The following HIBADH variants were observed in gnomAD, a reference collection of about 807,000 sequenced individuals.
HIBADH encodes the protein 3-hydroxyisobutyrate dehydrogenase, also known as 3-hydroxyisobutyrate dehydrogenase, mitochondrial.
Under a neutral mutation model 36.1 loss-of-function variants are expected in HIBADH, and 25 were observed. That is an observed-to-expected ratio of 0.69 (90% CI 0.50 to 0.97). The LOEUF is 0.97. Among genes scored for constraint, HIBADH ranks in the 50% least tolerant of loss-of-function variants. The probability of loss-of-function intolerance (pLI) is 0.00; values close to 1 mark genes in which losing one functional copy is unlikely to be tolerated. For missense variants in HIBADH, 421 were observed against 418.0 expected (o/e 1.01, Z -0.06); for synonymous variants, 160 against 149.5 (o/e 1.07, Z -0.51).
At chr7:27,615,218 G>T (rs1785405560) in intron 4 of HIBADH, among the ~76,000 whole-genome samples, 1 of 152,134 alleles carries the variant, frequency 6.6e-6, no homozygotes, top group African/African-American at 2.4e-5. Flanking sequence ...CTGCTATGAA[G>T]AAGACAGGAG....
At chr7:27,591,185 G>C (rs1185589917) in intron 4 of HIBADH, among the ~76,000 whole-genome samples, 1 of 152,144 alleles carries the variant, frequency 6.6e-6, no homozygotes, top group Non-Finnish European at 1.5e-5. Flanking sequence ...ACGAATCTCA[G>C]AGACTCTCCA....
chr7:27,658,824 T>C (rs1256976460), intron 1 of HIBADH, among the ~76,000 whole-genome samples: 8 of 152,240 alleles, frequency 5.3e-5, no homozygotes, highest in Non-Finnish European at 1.0e-4. Context: ...TACTACGTCA[T>C]AAGCACTCTA....
chr7:27,632,284 A>G, intron 3 of HIBADH, 52 bp downstream of exon 3: 2 of 1,192,304 alleles, frequency 1.7e-6, no homozygotes, highest in African/African-American at 3.0e-5. Flanking sequence ...CTAACATGTG[A>G]AATTCATGAA....
chr7:27,614,742 C>T (rs555733106), intron 4 of HIBADH, among the ~76,000 whole-genome samples: 1 of 152,290 alleles, frequency 6.6e-6, no homozygotes, highest in African/African-American at 2.4e-5. Flanking sequence ...TAAACTAAAA[C>T]ATGTTAAAGA....
At chr7:27,614,840 C>T (rs898655092) in intron 4 of HIBADH, among the ~76,000 whole-genome samples, 3 of 152,020 alleles carry the variant, frequency 2.0e-5, no homozygotes, top group East Asian at 3.8e-4. Flanking sequence ...CAGGAAAGAC[C>T]CCAAAAACTG....
chr7:27,533,863 T>C (rs763392065), intron 6 of HIBADH, among the ~76,000 whole-genome samples: 2 of 152,184 alleles, frequency 1.3e-5, no homozygotes, highest in Non-Finnish European at 2.9e-5. Flanking sequence ...TGGGAACATA[T>C]GATACTTTCT....
intron 4 of HIBADH, among the ~76,000 whole-genome samples, chr7:27,611,307 G>A (rs1289263356): frequency 6.6e-6 from 1 of 152,206 alleles, no homozygotes; most frequent in African/African-American, 2.4e-5. Context: ...CAATCAGTGA[G>A]TTTATTCTTC....
At chr7:27,578,269 T>C (rs1389078670) in intron 4 of HIBADH, among the ~76,000 whole-genome samples, 1 of 152,222 alleles carries the variant, frequency 6.6e-6, no homozygotes, top group African/African-American at 2.4e-5. Flanking sequence ...CTTAGTATTG[T>C]ACATTAGGGT....
At chr7:27,632,314 T>C (rs1229976602) in intron 3 of HIBADH, 22 bp downstream of exon 3, 16 of 1,415,524 alleles carry the variant, frequency 1.1e-5, no homozygotes, top group Non-Finnish European at 1.6e-5. Flanking sequence ...CAAGAAAATA[T>C]CCACAGGTGA....
chr7:27,526,983 C>T (rs1371933595), intron 7 of HIBADH, among the ~76,000 whole-genome samples: 1 of 152,100 alleles, frequency 6.6e-6, no homozygotes, highest in Non-Finnish European at 1.5e-5. Flanking sequence ...CAGTGAAGCA[C>T]AGACCTGGAG....
chr7:27,645,368 A>ATGTTTTTTTTTTTTTTTTTTTTTTTTT lies in HIBADH; in HGVS notation c.252+4104_252+4105insAAAAAAAAAAAAAAAAAAAAAAAAACA, dbSNP rs1554300959. Among the ~76,000 whole-genome samples the ATGTTTTTTTTTTTTTTTTTTTTTTTTT allele has an allele frequency of 6.7e-5, 4 of 59,650 alleles. 1 individual carries two copies. The highest frequency in any genetic ancestry group is 9.4e-5 in the Non-Finnish European group (3 of 31,796). The allele number at this position is 59,650 out of a possible 152,430, so 39.1% of individuals were successfully genotyped here. ...CTAGTGGGTGTGTCTCATGGTTTTG[A>ATGTTTTTTTTTTTTTTTTTTTTTTTTT]TTTTTTTTTTTTTTTTTTTTTTTTT... On this transcript the variant is annotated intron_variant, in intron 2 of 7. Coordinates refer to ENST00000265395, the MANE Select transcript of HIBADH (RefSeq NM_152740.4).
At position 27,659,718 on chromosome 7, in the gene HIBADH, C is replaced by T. The variant is rs73289996; in HGVS notation, c.91+2980G>A. On this transcript the variant is annotated intron_variant, in intron 1 of 7. Coordinates refer to ENST00000265395, the MANE Select transcript of HIBADH (RefSeq NM_152740.4). ...GCCTGGACAAGAGAGAGAGAGAGAC[C>T]CCATCTCAAATAAACAAACAAACAA... Among the ~76,000 whole-genome samples, 738 of 150,832 alleles carry T rather than the reference C, an allele frequency of 4.9e-3. 6 individuals carry two copies. The highest frequency in any genetic ancestry group is 0.017 in the African/African-American group (710 of 41,226).
chr7:27,603,983 T>C (rs1010283360), intron 4 of HIBADH, among the ~76,000 whole-genome samples: 7 of 152,204 alleles, frequency 4.6e-5, no homozygotes, highest in Admixed American at 2.6e-4. Flanking sequence ...ATACATAAAA[T>C]AGATCATTTA....
chr7:27,629,006 T>C (rs1166438566), intron 4 of HIBADH, among the ~76,000 whole-genome samples: 1 of 152,072 alleles, frequency 6.6e-6, no homozygotes, highest in Non-Finnish European at 1.5e-5. Context: ...TGTGAAACAA[T>C]TGTTTTTCTT....
At chr7:27,615,063 C>T (rs1438558359) in intron 4 of HIBADH, among the ~76,000 whole-genome samples, 2 of 152,150 alleles carry the variant, frequency 1.3e-5, no homozygotes, top group East Asian at 3.9e-4. Flanking sequence ...AAAATAGCCT[C>T]TGAGGACTAG....
At chr7:27,650,822 C>T (rs1456071123) in intron 1 of HIBADH, among the ~76,000 whole-genome samples, 4 of 151,536 alleles carry the variant, frequency 2.6e-5, no homozygotes, top group East Asian at 1.9e-4. Context: ...CAAAGTAATG[C>T]GTTACAGAGT....
At chr7:27,660,882 T>A (rs1401178091) in intron 1 of HIBADH, among the ~76,000 whole-genome samples, 1 of 152,170 alleles carries the variant, frequency 6.6e-6, no homozygotes, top group Non-Finnish European at 1.5e-5. Flanking sequence ...GTCTTAGGCC[T>A]CAGGCTCTTT....
chr7:27,588,611 A>T (rs558450318), intron 4 of HIBADH, among the ~76,000 whole-genome samples: 1 of 152,262 alleles, frequency 6.6e-6, no homozygotes, highest in Admixed American at 6.5e-5. Flanking sequence ...GATTACAGGG[A>T]TGAGCCACCA....
intron 4 of HIBADH, among the ~76,000 whole-genome samples, chr7:27,622,240 A>T (rs1562648058): frequency 2.0e-5 from 3 of 151,736 alleles, no homozygotes; most frequent in Non-Finnish European, 4.4e-5. Flanking sequence ...GCAAGAGCCT[A>T]TTTTTTTTTA....
Sources: gnomAD v4.1 joint callset for allele counts (sites outside exome capture counted in the v4.1 genomes callset) on GRCh38, gnomAD v4.1.1 for gene constraint, MANE v1.5 for transcripts, NCBI Gene and HGNC (gene_info 2026-07-23, HGNC 2026-07-21) for gene names.